The following DEUP1 variants were observed in gnomAD, a reference collection of about 807,000 sequenced individuals.
DEUP1 encodes the protein coiled-coil domain containing 67.
Under a neutral mutation model 87.4 loss-of-function variants are expected in DEUP1, and 82 were observed. The observed-to-expected ratio is 0.94, with a 90% CI of 0.78 to 1.13. DEUP1 has a LOEUF of 1.13. DEUP1 is among the 50% of genes most tolerant of loss of function. DEUP1 has a pLI of 0.00. For synonymous variants in DEUP1, 214 were observed against 222.7 expected, an observed-to-expected ratio of 0.96 and a Z score of 0.35; for missense variants, 663 against 681.5, an observed-to-expected ratio of 0.97 and a Z score of 0.30.
At chr11:93,334,164 C>G (rs117321131) in intron 2 of DEUP1, among the ~76,000 whole-genome samples, 2 of 152,136 alleles carry the variant, frequency 1.3e-5, no homozygotes, top group Non-Finnish European at 1.5e-5. Flanking sequence ...ACCACGGTCT[C>G]CAAAGCATGG....
At chr11:93,429,521 A>G (rs1948038619) in intron 13 of DEUP1, among the ~76,000 whole-genome samples, 1 of 152,162 alleles carries the variant, frequency 6.6e-6, no homozygotes, top group South Asian at 2.1e-4. Context: ...GTCCGCTCAA[A>G]TATCACCTTA....
intron 9 of DEUP1, among the ~76,000 whole-genome samples, chr11:93,389,802 C>G (rs955339687): frequency 6.6e-6 from 1 of 152,166 alleles, no homozygotes; most frequent in Non-Finnish European, 1.5e-5. Context: ...AGATAATGCA[C>G]TTAAAGTGCT....
At chr11:93,356,334 T>C (rs1207104425) in intron 3 of DEUP1, among the ~76,000 whole-genome samples, 2 of 152,200 alleles carry the variant, frequency 1.3e-5, no homozygotes, top group Non-Finnish European at 2.9e-5. Flanking sequence ...ACTTAGTTAT[T>C]GGCATCTAGT....
intron 10 of DEUP1, 65 bp from the exon 11 acceptor site, chr11:93,396,174 A>C (rs1386777084): frequency 1.9e-6 from 2 of 1,030,538 alleles, no homozygotes; most frequent in African/African-American, 3.3e-5. Context: ...CACAAGACAA[A>C]ATTTTAATAG....
intron 12 of DEUP1, among the ~76,000 whole-genome samples, chr11:93,412,147 A>G (rs896250506): frequency 1.3e-5 from 2 of 152,166 alleles, no homozygotes; most frequent in African/African-American, 4.8e-5. Flanking sequence ...GGCCAAGGGG[A>G]ATATTAATGG....
intron 7 of DEUP1, among the ~76,000 whole-genome samples, chr11:93,377,863 G>A (rs532474759): frequency 1.4e-4 from 22 of 152,244 alleles, no homozygotes; most frequent in Non-Finnish European, 3.1e-4. Flanking sequence ...CATTTATGAA[G>A]CTTAGTTTCA....
Position 93,434,738 on chromosome 11 carries a change from G to A in DEUP1, c.1639-2805G>A, listed in dbSNP as rs75548037. Reference sequence around the variant, plus strand: ...CAGAAAGCACAGATTCTCCAAGTGGGTTAACAGAAGTGATAGAGAGTGAAG... The same window carrying A: ...CAGAAAGCACAGATTCTCCAAGTGGATTAACAGAAGTGATAGAGAGTGAAG... On this transcript the variant is annotated intron_variant, in intron 13 of 13. Coordinates refer to ENST00000298050, the MANE Select transcript of DEUP1 (RefSeq NM_181645.4). Among the ~76,000 whole-genome samples the A allele has an allele frequency of 7.6e-3, 1,153 of 152,300 alleles. 15 individuals carry two copies. Among genetic ancestry groups the A allele is most frequent in the African/African-American group, 0.027 (1,112 of 41,560 alleles).
At chr11:93,401,176 A>G (rs1330146938) in intron 11 of DEUP1, among the ~76,000 whole-genome samples, 1 of 152,172 alleles carries the variant, frequency 6.6e-6, no homozygotes, top group Non-Finnish European at 1.5e-5. Context: ...AGAAATCAAG[A>G]AAGCAATCTC....
intron 12 of DEUP1, among the ~76,000 whole-genome samples, chr11:93,409,003 C>G (rs1947359439): frequency 2.0e-5 from 3 of 151,858 alleles, no homozygotes; most frequent in Admixed American, 6.6e-5. Context: ...ACTACAGGCC[C>G]CCGCCACTAC....
chr11:93,437,468 G>T, intron 13 of DEUP1, 75 bp from the exon 14 acceptor site: 1 of 1,139,678 alleles, frequency 8.8e-7, no homozygotes, highest in Non-Finnish European at 1.2e-6. Flanking sequence ...TGTCAGGGAT[G>T]AAGCATGCCT....
At chr11:93,397,373 A>G (rs1010680369) in intron 11 of DEUP1, among the ~76,000 whole-genome samples, 4 of 152,100 alleles carry the variant, frequency 2.6e-5, no homozygotes, top group Admixed American at 2.6e-4. Context: ...TGATTTTCCT[A>G]TTTGTTACAT....
chr11:93,382,728 G>A (rs1163800588), intron 7 of DEUP1, among the ~76,000 whole-genome samples: 1 of 152,170 alleles, frequency 6.6e-6, no homozygotes, highest in Non-Finnish European at 1.5e-5. Flanking sequence ...CCCACATAGT[G>A]CCTTCTTCAA....
intron 13 of DEUP1, among the ~76,000 whole-genome samples, chr11:93,430,464 T>G (rs1467481054): frequency 1.3e-5 from 2 of 152,146 alleles, no homozygotes; most frequent in Non-Finnish European, 2.9e-5. Flanking sequence ...CAAAAACATG[T>G]TAAGTGAAAG....
chr11:93,342,727 T>G (rs192022245), intron 2 of DEUP1, among the ~76,000 whole-genome samples: 6 of 152,156 alleles, frequency 3.9e-5, no homozygotes, highest in Admixed American at 2.0e-4. Flanking sequence ...AGGATAGATA[T>G]TGGGTAGGAA....
chr11:93,353,959 C>T (rs186658319), intron 2 of DEUP1, among the ~76,000 whole-genome samples: 4 of 152,240 alleles, frequency 2.6e-5, no homozygotes, highest in African/African-American at 9.6e-5. Context: ...ACATTAGGCT[C>T]CTTGCTACTT....
intron 7 of DEUP1, among the ~76,000 whole-genome samples, chr11:93,373,630 T>TGC (rs1945872898): frequency 6.9e-6 from 1 of 144,482 alleles, no homozygotes; most frequent in African/African-American, 2.5e-5. Flanking sequence ...TATACGTATA[T>TGC]ATATATATAT....
At chr11:93,417,173 T>C (rs979614144) in intron 13 of DEUP1, among the ~76,000 whole-genome samples, 11 of 145,334 alleles carry the variant, frequency 7.6e-5, no homozygotes, top group Non-Finnish European at 1.6e-4. Flanking sequence ...TTGGAAGTTC[T>C]GGCCAGGGCA....
Position 93,409,304 on chromosome 11 carries a change from T to C in DEUP1, c.1523+877T>C, listed in dbSNP as rs148184047. ...TTATCGGCTGTCCACATTATTCCCA[T>C]ACTCTGTAAAAGGTCTTATTCAAAA... is the stretch of plus-strand genomic sequence containing the variant. On this transcript the variant is annotated intron_variant, in intron 12 of 13. Transcript: ENST00000298050. Among the ~76,000 whole-genome samples the C allele has an allele frequency of 5.9e-5, 9 of 152,334 alleles. No homozygotes were observed. The East Asian group carries it at 1.7e-3, about 29-fold the overall frequency.
At chr11:93,410,778 CTT>C (rs1419589244) in intron 12 of DEUP1, among the ~76,000 whole-genome samples, 6 of 151,948 alleles carry the variant, frequency 3.9e-5, no homozygotes, top group Non-Finnish European at 7.4e-5. Context: ...CCTTTTTTCT[CTT>C]TGTCAGGCAG....
Sources: gnomAD v4.1 joint callset for allele counts (sites outside exome capture counted in the v4.1 genomes callset) on GRCh38, gnomAD v4.1.1 for gene constraint, MANE v1.5 for transcripts, NCBI Gene and HGNC (gene_info 2026-07-23, HGNC 2026-07-21) for gene names.